The following FARS2 variants were observed in gnomAD, a reference collection of about 807,000 sequenced individuals.
FARS2 encodes phenylalanine--tRNA ligase, mitochondrial.
Under a neutral mutation model 46.4 loss-of-function variants are expected in FARS2, and 40 were observed. The ratio of observed to expected loss-of-function variants is 0.86; its 90% CI spans 0.67 to 1.12. The LOEUF (loss-of-function observed/expected upper bound fraction) is 1.12. FARS2 is among the 50% of genes most tolerant of loss of function. The probability of loss-of-function intolerance (pLI) is 0.00; values close to 1 mark genes in which losing one functional copy is unlikely to be tolerated. For missense variants in FARS2, 513 were observed against 567.9 expected (o/e 0.90, Z 0.98); for synonymous variants, 234 against 214.9 (o/e 1.09, Z -0.78).
chr6:5,476,663 T>C (rs1766141240), intron 4 of FARS2, among the ~76,000 whole-genome samples: 1 of 152,178 alleles, frequency 6.6e-6, no homozygotes, highest in African/African-American at 2.4e-5. Context: ...AGAGGGCTTA[T>C]GGAAGGCCGT....
upstream of FARS2, among the ~76,000 whole-genome samples, chr6:5,259,087 T>TTA (rs70974185): frequency 0.28 from 42,156 of 152,030 alleles, 7,175 homozygotes; most frequent in African/African-American, 0.48. Context: ...CTTGTCCAAG[T>TTA]TAGTCTTCGA....
At chr6:5,494,125 T>TC (rs1767302154) in intron 4 of FARS2, among the ~76,000 whole-genome samples, 1 of 142,888 alleles carries the variant, frequency 7.0e-6, no homozygotes, top group South Asian at 2.2e-4. Flanking sequence ...CTTTTTTTTT[T>TC]CTTTTTTTTT....
intron 2 of FARS2, among the ~76,000 whole-genome samples, chr6:5,390,191 T>A (rs1271228426): frequency 6.6e-6 from 1 of 152,198 alleles, no homozygotes; most frequent in Non-Finnish European, 1.5e-5. Flanking sequence ...GTTCCAGTAC[T>A]TACCTTGCTT....
chr6:5,717,949 C>T (rs1157723011), intron 6 of FARS2, among the ~76,000 whole-genome samples: 1 of 50,330 alleles, frequency 2.0e-5, no homozygotes, highest in East Asian at 2.9e-4. Flanking sequence ...GAGTCTCACT[C>T]TGTCGCCCAG....
chr6:5,399,135 TATTA>T (rs1562011771), intron 2 of FARS2, among the ~76,000 whole-genome samples: 9 of 74,958 alleles, frequency 1.2e-4, no homozygotes, highest in African/African-American at 5.8e-4. Context: ...ATTTTATTAT[TATTA>T]TTATTATTAT....
At chr6:5,626,477 G>A (rs1349792047) in intron 6 of FARS2, among the ~76,000 whole-genome samples, 1 of 152,164 alleles carries the variant, frequency 6.6e-6, no homozygotes, top group Non-Finnish European at 1.5e-5. Context: ...CCATCATGGT[G>A]TCCAGTGGTA....
chr6:5,635,637 T>G (rs1247783028), intron 6 of FARS2, among the ~76,000 whole-genome samples: 1 of 152,162 alleles, frequency 6.6e-6, no homozygotes, highest in African/African-American at 2.4e-5. Context: ...ACGCCCCATG[T>G]AGAAAATGGC....
chr6:5,405,980 A>AT (rs1194244595), intron 3 of FARS2, among the ~76,000 whole-genome samples: 2 of 152,080 alleles, frequency 1.3e-5, no homozygotes, highest in African/African-American at 4.8e-5. Flanking sequence ...ACTTGCCTTT[A>AT]TTTTTCAAAA....
chr6:5,531,272 G>A (rs1177515391), intron 4 of FARS2, among the ~76,000 whole-genome samples: 1 of 152,202 alleles, frequency 6.6e-6, no homozygotes, highest in Admixed American at 6.5e-5. Flanking sequence ...GTGCATCACT[G>A]TCCAAACTGC....
rs1276347525 is a variant in FARS2, at chr6:5,269,021, G to C, written c.-22+7361G>C. ...CCCAAAGGATTATAAATTATGCTCTGTAAAGACACATGCACACATGTGTTT... is the reference window on the plus strand; with the variant it reads ...CCCAAAGGATTATAAATTATGCTCTCTAAAGACACATGCACACATGTGTTT... On this transcript the variant is annotated intron_variant, in intron 1 of 6. Transcript: ENST00000274680. Among the ~76,000 whole-genome samples the C allele has an allele frequency of 2.6e-5, 4 of 152,270 alleles. No homozygotes were observed. The East Asian group carries it at 7.7e-4, about 29-fold the overall frequency.
intron 6 of FARS2, among the ~76,000 whole-genome samples, chr6:5,756,683 C>A (rs1432714400): frequency 1.3e-5 from 2 of 151,960 alleles, no homozygotes; most frequent in African/African-American, 2.4e-5. Context: ...GACAAAGAGT[C>A]AAAAAAATCA....
intron 4 of FARS2, among the ~76,000 whole-genome samples, chr6:5,505,019 A>C (rs1390601284): frequency 6.6e-6 from 1 of 152,192 alleles, no homozygotes; most frequent in Non-Finnish European, 1.5e-5. Context: ...TCTGAATAAG[A>C]GTGATTATAT....
chr6:5,319,274 C>T (rs1769794308), intron 1 of FARS2, among the ~76,000 whole-genome samples: 1 of 152,142 alleles, frequency 6.6e-6, no homozygotes, highest in South Asian at 2.1e-4. Context: ...GATGGGATCT[C>T]AGGAGTTGGG....
At chr6:5,577,574 C>G (rs1773059395) in intron 5 of FARS2, among the ~76,000 whole-genome samples, 1 of 152,068 alleles carries the variant, frequency 6.6e-6, no homozygotes, top group Admixed American at 6.6e-5. Context: ...ACTTGATGTA[C>G]TTTTAAGATT....
At chr6:5,300,064 T>G (rs751183880) in intron 1 of FARS2, among the ~76,000 whole-genome samples, 1 of 152,222 alleles carries the variant, frequency 6.6e-6, no homozygotes, top group Non-Finnish European at 1.5e-5. Context: ...CATTTTTTGT[T>G]TTTTATTTAC....
chr6:5,376,737 C>T (rs1759406981), intron 2 of FARS2, among the ~76,000 whole-genome samples: 1 of 152,126 alleles, frequency 6.6e-6, no homozygotes, highest in African/African-American at 2.4e-5. Context: ...TCAGAATGCA[C>T]CCAATAACAA....
At chr6:5,473,354 G>A (rs180944235) in intron 4 of FARS2, among the ~76,000 whole-genome samples, 26 of 151,886 alleles carry the variant, frequency 1.7e-4, no homozygotes, top group Admixed American at 3.3e-4. Flanking sequence ...GCGAAACCCC[G>A]TCTCTACTAA....
intron 4 of FARS2, among the ~76,000 whole-genome samples, chr6:5,491,884 A>C (rs557765727): frequency 3.0e-4 from 45 of 151,550 alleles, no homozygotes; most frequent in African/African-American, 1.0e-3. Flanking sequence ...TTTTCATAAC[A>C]CCTACCTCAC....
chr6:5,760,268 T>C (rs1762414527), intron 6 of FARS2, among the ~76,000 whole-genome samples: 1 of 152,198 alleles, frequency 6.6e-6, no homozygotes, highest in Admixed American at 6.5e-5. Flanking sequence ...TCATGAATAA[T>C]GGGGGTTGAG....
Sources: gnomAD v4.1 joint callset for allele counts (sites outside exome capture counted in the v4.1 genomes callset) on GRCh38, gnomAD v4.1.1 for gene constraint, MANE v1.5 for transcripts, NCBI Gene and HGNC (gene_info 2026-07-23, HGNC 2026-07-21) for gene names.